The following PSMB2 variants were observed in gnomAD, a reference collection of about 807,000 sequenced individuals.
The protein encoded by PSMB2 is proteasome 20S subunit beta 2, also known as proteasome subunit beta type-2.
PSMB2 carries 13 observed loss-of-function variants against 25.7 expected under a neutral mutation model. That is an observed-to-expected ratio of 0.51 (90% CI 0.33 to 0.80). The LOEUF is 0.80. PSMB2 is among the 30% of genes least tolerant of loss of function. PSMB2 has a pLI of 0.02. For synonymous variants in PSMB2, 87 were observed against 96.2 expected, an observed-to-expected ratio of 0.90 and a Z score of 0.56; for missense variants, 202 against 259.0, an observed-to-expected ratio of 0.78 and a Z score of 1.51.
In PSMB2 at chr1:35,602,028, T is replaced by C. The variant is rs1390161735; in HGVS notation, c.*1239A>G. 2 of 741,900 alleles carry C rather than the reference T, an allele frequency of 2.7e-6. No individual in the cohort carries two copies. Among genetic ancestry groups the C allele is most frequent in the South Asian group, 6.1e-5 (1 of 16,316 alleles). The allele number at this position is 741,900 out of a possible 1,614,324, so 46.0% of individuals were successfully genotyped here. A position where few individuals can be genotyped will look rare whatever the true frequency, so the allele number is the denominator to read the frequency against. ...ATAGTGTTAAGTGAAATAAGCAATA[T>C]GCAGAACTTAAAAATACTTTTTAGC... On this transcript the variant is annotated 3_prime_UTR_variant, in exon 6 of 6. Coordinates refer to ENST00000373237, the MANE Select transcript of PSMB2 (RefSeq NM_002794.5).
intron 2 of PSMB2, among the ~76,000 whole-genome samples, chr1:35,635,601 T>C (rs1472834439): frequency 6.6e-6 from 1 of 151,726 alleles, no homozygotes; most frequent in East Asian, 1.9e-4. Context: ...GAGGCCGAGG[T>C]GGGCAGATCA....
chr1:35,617,225 T>C (rs1344197145), intron 3 of PSMB2, among the ~76,000 whole-genome samples: 1 of 152,170 alleles, frequency 6.6e-6, no homozygotes, highest in Non-Finnish European at 1.5e-5. Context: ...ATTTTGTATT[T>C]TTAGTAGAGA....
At chr1:35,641,254 C>G in intron 1 of PSMB2, 88 bp downstream of exon 1, 1 of 1,518,360 alleles carries the variant, frequency 6.6e-7, no homozygotes, top group Non-Finnish European at 9.0e-7. Flanking sequence ...CTCTCAGATC[C>G]TCCCTGGTAC....
chr1:35,624,758 A>G (rs973172089), intron 3 of PSMB2, among the ~76,000 whole-genome samples: 3 of 151,490 alleles, frequency 2.0e-5, no homozygotes, highest in Admixed American at 1.3e-4. Flanking sequence ...GTCTCAAAAA[A>G]AACAAAAACA....
chr1:35,628,623 ATATATATATTTT>A (rs1650982317), intron 3 of PSMB2, among the ~76,000 whole-genome samples: 1 of 46,480 alleles, frequency 2.2e-5, no homozygotes, highest in African/African-American at 8.7e-5. Flanking sequence ...ATATATATAT[ATATATATATTTT>A]TTTTTTTTTT....
chr1:35,628,596 A>AAAAATATATATATATAT (rs59538661), intron 3 of PSMB2, among the ~76,000 whole-genome samples: 14 of 25,102 alleles, frequency 5.6e-4, no homozygotes, highest in South Asian at 2.5e-3. Context: ...AAAAAAAAAA[A>AAAAATATATATATATAT]ATATATATAT....
intron 4 of PSMB2, among the ~76,000 whole-genome samples, chr1:35,605,960 C>T (rs80119795): frequency 0.039 from 5,875 of 152,152 alleles, 357 homozygotes; most frequent in African/African-American, 0.12. Context: ...GGAGCTCTAG[C>T]GTGGCTAAGG....
chr1:35,611,358 G>A (rs1403664674), intron 3 of PSMB2, among the ~76,000 whole-genome samples: 1 of 151,880 alleles, frequency 6.6e-6, no homozygotes, highest in South Asian at 2.1e-4. Context: ...GGTTGGGAGG[G>A]GAGTAACAGG....
chr1:35,621,280 G>A (rs139893672), intron 3 of PSMB2, among the ~76,000 whole-genome samples: 1 of 152,256 alleles, frequency 6.6e-6, no homozygotes, highest in East Asian at 1.9e-4. Flanking sequence ...TGTGTATATG[G>A]CTATCTTAGC....
intron 3 of PSMB2, among the ~76,000 whole-genome samples, chr1:35,623,652 C>T (rs1157937270): frequency 6.6e-6 from 1 of 152,142 alleles, no homozygotes; most frequent in Non-Finnish European, 1.5e-5. Context: ...CACTGTGCTG[C>T]CCATCTGGAG....
At chr1:35,637,528 CTCACTT>C (rs1370068825) in intron 1 of PSMB2, among the ~76,000 whole-genome samples, 30 of 152,304 alleles carry the variant, frequency 2.0e-4, no homozygotes, top group African/African-American at 2.4e-5. Flanking sequence ...ATCTTCCTAT[CTCACTT>C]TCACTTTCAC....
At chr1:35,623,187 C>A (rs1378571728) in intron 3 of PSMB2, among the ~76,000 whole-genome samples, 2 of 152,192 alleles carry the variant, frequency 1.3e-5, no homozygotes, top group African/African-American at 4.8e-5. Context: ...CTAAGAGACT[C>A]CTGTGAGATG....
chr1:35,631,394 C>G (rs370665921), intron 2 of PSMB2, 50 bp from the exon 3 acceptor site: 2 of 1,606,616 alleles, frequency 1.2e-6, no homozygotes, highest in South Asian at 2.2e-5. Flanking sequence ...GAAGGAATAA[C>G]AGTGCCCCAA....
At chr1:35,626,832 C>A (rs1482026579) in intron 3 of PSMB2, among the ~76,000 whole-genome samples, 1 of 152,068 alleles carries the variant, frequency 6.6e-6, no homozygotes, top group Non-Finnish European at 1.5e-5. Flanking sequence ...TGTTCCAGAT[C>A]TGTGATGTCT....
chr1:35,607,658 T>C (rs941286530), intron 4 of PSMB2, among the ~76,000 whole-genome samples: 6 of 152,190 alleles, frequency 3.9e-5, no homozygotes, highest in African/African-American at 7.2e-5. Context: ...CCATATGATC[T>C]GGCAATCCCA....
rs565621565 is a variant in PSMB2, at chr1:35,599,890, T to C, written c.*3377A>G. On this transcript the variant is annotated 3_prime_UTR_variant, in exon 6 of 6. Transcript: ENST00000373237. ...GCTCACATCTGTAATCCCAGTGCTT[T>C]GGCAGACCAAGGTGGGAGGATCACT... 186 of 957,742 alleles carry C rather than the reference T, an allele frequency of 1.9e-4. 3 individuals carry two copies. The South Asian group carries it at 8.2e-3, about 42-fold the overall frequency. The allele number at this position is 957,742 out of a possible 1,614,324, so 59.3% of individuals were successfully genotyped here. A position where few individuals can be genotyped will look rare whatever the true frequency, so the allele number is the denominator to read the frequency against.
At chr1:35,628,943 A>T (rs1342752984) in intron 3 of PSMB2, among the ~76,000 whole-genome samples, 1 of 152,164 alleles carries the variant, frequency 6.6e-6, no homozygotes. Flanking sequence ...TAAAAATATG[A>T]ATAGCATCAG....
At position 35,603,066 on chromosome 1, in the gene PSMB2, GC is replaced by G; in HGVS notation, c.*200del. ...GGAGCAGGAAGAAAAGTCAGACCTG[GC>G]AAAAAGATCATCTTCCCTCCATATC... On this transcript the variant is annotated 3_prime_UTR_variant, in exon 6 of 6. Transcript: ENST00000373237. 1 of 1,338,270 alleles carries G rather than the reference GC, an allele frequency of 7.5e-7. No individual in the cohort carries two copies. The highest frequency in any genetic ancestry group is 9.6e-7 in the Non-Finnish European group (1 of 1,044,544). 82.9% of individuals were successfully genotyped at this position (1,338,270 alleles called of 1,614,324 possible). A position where few individuals can be genotyped will look rare whatever the true frequency, so the allele number is the denominator to read the frequency against.
intron 3 of PSMB2, among the ~76,000 whole-genome samples, chr1:35,611,305 C>T (rs1029719695): frequency 1.3e-5 from 2 of 152,108 alleles, no homozygotes; most frequent in African/African-American, 4.8e-5. Flanking sequence ...GGCCACTTGG[C>T]AGCCTTAAAA....
Sources: allele counts gnomAD v4.1 joint callset (sites outside exome capture counted in the v4.1 genomes callset), GRCh38; gene constraint gnomAD v4.1.1; transcripts MANE v1.5; gene names NCBI Gene and HGNC (gene_info 2026-07-23, HGNC 2026-07-21).